Variants in NSMAF observed in about 807,000 individuals in gnomAD.
NSMAF encodes neutral sphingomyelinase activation associated factor.
In NSMAF, 90 loss-of-function variants were observed where a neutral mutation model predicts 134.9. The ratio of observed to expected loss-of-function variants is 0.67; its 90% CI spans 0.56 to 0.79. The LOEUF is 0.79. Ranked by LOEUF, NSMAF falls within the 30% of genes least tolerant of loss-of-function variation. The probability of loss-of-function intolerance (pLI) is 0.00; values close to 1 mark genes in which losing one functional copy is unlikely to be tolerated. For synonymous variants in NSMAF, 358 were observed against 389.6 expected (o/e 0.92, Z 0.96); for missense variants, 1,010 against 1,119.0 (o/e 0.90, Z 1.39).
At chr8:58,610,349 CAACCA>C (rs1806500727) in intron 9 of NSMAF, among the ~76,000 whole-genome samples, 1 of 152,124 alleles carries the variant, frequency 6.6e-6, no homozygotes, top group Non-Finnish European at 1.5e-5. Context: ...TAAGGGAAAA[CAACCA>C]AATCATCAAC....
At chr8:58,619,608 T>C (rs1276158349) in intron 9 of NSMAF, among the ~76,000 whole-genome samples, 1 of 152,044 alleles carries the variant, frequency 6.6e-6, no homozygotes, top group Non-Finnish European at 1.5e-5. Flanking sequence ...GAAAACAAAA[T>C]GAGTACACTA....
chr8:58,645,766 C>T (rs144463073), intron 1 of NSMAF, among the ~76,000 whole-genome samples: 4,120 of 152,160 alleles, frequency 0.027, 206 homozygotes, highest in African/African-American at 0.093. Context: ...ATAGGCCAGG[C>T]GCAGCGGCTC....
At chr8:58,612,241 T>A (rs1806545440) in intron 9 of NSMAF, among the ~76,000 whole-genome samples, 1 of 152,102 alleles carries the variant, frequency 6.6e-6, no homozygotes, top group Non-Finnish European at 1.5e-5. Context: ...CAGCATAAGG[T>A]AGAGAGGCTG....
chr8:58,613,370 T>C (rs780090253), intron 9 of NSMAF, among the ~76,000 whole-genome samples: 5 of 152,132 alleles, frequency 3.3e-5, no homozygotes, highest in Non-Finnish European at 7.4e-5. Context: ...GGTTCTTGTA[T>C]TGGTGTAAAG....
intron 1 of NSMAF, 103 bp from the exon 2 acceptor site, chr8:58,643,176 A>T: frequency 1.2e-6 from 1 of 809,880 alleles, no homozygotes; most frequent in Non-Finnish European, 2.1e-6. Flanking sequence ...CCATTCTTGA[A>T]TTTAACAAAC....
rs565202799 is a variant in NSMAF, at chr8:58,605,515, T to C, written c.868+412A>G. Among the ~76,000 whole-genome samples, 7 of 152,310 alleles carry C rather than the reference T, an allele frequency of 4.6e-5. 1 individual carries two copies. The South Asian group carries it at 1.0e-3, about 23-fold the overall frequency. On this transcript the variant is annotated intron_variant, in intron 12 of 30. Transcript: ENST00000038176. The stretch of plus-strand genomic sequence containing the variant: ...TTATCTAGAGTTTTTAAAACATACA[T>C]TCAGAATGAACTATTATCAAAGTGA...
At chr8:58,655,151 A>C (rs981828977) in intron 1 of NSMAF, among the ~76,000 whole-genome samples, 1 of 151,626 alleles carries the variant, frequency 6.6e-6, no homozygotes, top group Non-Finnish European at 1.5e-5. Flanking sequence ...TTTATTTTTT[A>C]AATAGAGAAA....
intron 2 of NSMAF, chr8:58,640,212 G>A (rs1329379033): frequency 2.9e-6 from 1 of 339,234 alleles, no homozygotes; most frequent in Non-Finnish European, 6.0e-6. Flanking sequence ...CACAAAAGAA[G>A]GTAACTGTGA....
chr8:58,659,636 G>A lies in NSMAF; in HGVS notation c.-5C>T, dbSNP rs1267510395. On this transcript the variant is annotated 5_prime_UTR_variant, in exon 1 of 31. Transcript: ENST00000038176. ...CTTCTTCCGGATAAACGCCATGGAG[G>A]GTAGGCGCGGGCGGGCGCAGAGCGC... 11 of 1,439,280 alleles carry A rather than the reference G, an allele frequency of 7.6e-6. No homozygotes were observed. The Admixed American group carries it at 1.8e-4, about 23-fold the overall frequency. 89.2% of individuals were successfully genotyped at this position (1,439,280 alleles called of 1,614,324 possible).
intron 25 of NSMAF, 165 bp downstream of exon 25, chr8:58,589,842 A>G (rs1430496851): frequency 1.6e-6 from 1 of 607,462 alleles, no homozygotes; most frequent in Middle Eastern, 2.8e-4. Flanking sequence ...CAATCTAAGC[A>G]ATCATATTCA....
In NSMAF at chr8:58,603,234, G is replaced by C; in HGVS notation, c.1021C>G (p.His341Asp). Residue 341 changes from histidine (H) to aspartate (D), a missense_variant, in exon 13 of 31, where the codon CAT becomes GAT. His to Asp is a moderately conservative substitution (Grantham distance 81). Transcript: ENST00000038176. ...CCTAGTTCTGAGCTGGAATAATCAT[G>C]TATTATCCATGGAAACACAGGGTAC... ...SQYPVFPWII[H>D]DYSSSELDLS... The C allele has an allele frequency of 6.2e-7, 1 of 1,614,202 alleles. No homozygotes were observed. The highest frequency in any genetic ancestry group is 8.5e-7 in the Non-Finnish European group (1 of 1,180,040).
At chr8:58,656,803 C>G (rs1807724607) in intron 1 of NSMAF, among the ~76,000 whole-genome samples, 1 of 151,636 alleles carries the variant, frequency 6.6e-6, no homozygotes, top group South Asian at 2.1e-4. Flanking sequence ...GCACTCCAGC[C>G]TGGGCAACAG....
At chr8:58,613,450 A>G (rs1806578330) in intron 9 of NSMAF, among the ~76,000 whole-genome samples, 1 of 152,212 alleles carries the variant, frequency 6.6e-6, no homozygotes, top group South Asian at 2.1e-4. Flanking sequence ...TAGAATGACC[A>G]CTAAAAATAA....
intron 26 of NSMAF, among the ~76,000 whole-genome samples, chr8:58,588,952 T>C (rs1425356794): frequency 6.6e-6 from 1 of 151,970 alleles, no homozygotes; most frequent in Non-Finnish European, 1.5e-5. Context: ...ATAAACTTAT[T>C]ATATTAAGAA....
chr8:58,652,738 C>T (rs1217963452), intron 1 of NSMAF, among the ~76,000 whole-genome samples: 2 of 152,122 alleles, frequency 1.3e-5, no homozygotes, highest in Non-Finnish European at 2.9e-5. Context: ...ATTCCCTGGC[C>T]CTTTGCCTTT....
Position 58,635,213 on chromosome 8 carries a change from C to T in NSMAF, c.309G>A (p.Gly103=), listed in dbSNP as rs765533128. Residue 103 remains glycine (G), a synonymous_variant, in exon 5 of 31, where the codon GGG becomes GGA. Transcript: ENST00000038176. ...CCTGACTGAAAATGAGTGAAATACC[C>T]CCAGATTTTGCCCTAAAATACAGAT... ...ANRHFTKAKS[G]GISLIFSQVY... The T allele has an allele frequency of 1.1e-5, 17 of 1,611,346 alleles. No individual in the cohort carries two copies. The highest frequency in any genetic ancestry group is 1.4e-5 in the Non-Finnish European group (17 of 1,178,202).
chr8:58,623,299 T>TACGA (rs370394785), intron 8 of NSMAF, 27 bp from the exon 9 acceptor site: 22 of 1,139,244 alleles, frequency 1.9e-5, no homozygotes, highest in African/African-American at 5.2e-5. Flanking sequence ...AGAAAAAAAG[T>TACGA]ATTTATAAGT....
chr8:58,623,453 A>G (rs1411475566), intron 7 of NSMAF, 29 bp from the exon 8 acceptor site: 2 of 1,603,672 alleles, frequency 1.2e-6, no homozygotes, highest in South Asian at 2.2e-5. Flanking sequence ...ACATGAATTT[A>G]TTTTTTCTCT....
chr8:58,645,798 C>T (rs916810704), intron 1 of NSMAF, among the ~76,000 whole-genome samples: 2 of 152,072 alleles, frequency 1.3e-5, no homozygotes, highest in Non-Finnish European at 2.9e-5. Flanking sequence ...CCCAGCACTT[C>T]GGGAGGCCAA....
Sources: allele counts gnomAD v4.1 joint callset (sites outside exome capture counted in the v4.1 genomes callset), GRCh38; gene constraint gnomAD v4.1.1; transcripts MANE v1.5; gene names NCBI Gene and HGNC (gene_info 2026-07-23, HGNC 2026-07-21).